Variants in TRIT1 observed in about 807,000 individuals in gnomAD.
The protein encoded by TRIT1 is tRNA dimethylallyltransferase.
In TRIT1, 43 loss-of-function variants were observed where a neutral mutation model predicts 51.2. The ratio of observed to expected loss-of-function variants is 0.84; its 90% CI spans 0.66 to 1.08. The LOEUF (loss-of-function observed/expected upper bound fraction) is 1.08, where lower values mean the gene tolerates loss of function less well. TRIT1 is among the 50% of genes least tolerant of loss of function. TRIT1 has a pLI of 0.00. For synonymous variants in TRIT1, 184 were observed against 203.9 expected (o/e 0.90, Z 0.83); for missense variants, 528 against 578.4 (o/e 0.91, Z 0.89).
intron 1 of TRIT1, among the ~76,000 whole-genome samples, chr1:39,875,144 T>C (rs1410011326): frequency 6.6e-6 from 1 of 152,098 alleles, no homozygotes; most frequent in Non-Finnish European, 1.5e-5. Context: ...TGTAACAGAA[T>C]CCTAAACTGT....
rs145388181 is a variant in TRIT1, at chr1:39,866,492, C to T, written c.175-9075G>A. On this transcript the variant is annotated intron_variant, in intron 1 of 10. Transcript: ENST00000316891. ...TCAACTGAAGAGATGTTGAAGAGTA[C>T]GGGAAAGGCTGATTTCTTGACTCAC... 9.9e-5 allele frequency among the ~76,000 whole-genome samples: 15 copies of T among 152,176 alleles called. 1 individual carries two copies. Among genetic ancestry groups the T allele is most frequent in the African/African-American group, 1.4e-4 (6 of 41,506 alleles).
At chr1:39,856,003 C>A (rs1053354438) in intron 2 of TRIT1, among the ~76,000 whole-genome samples, 2 of 151,728 alleles carry the variant, frequency 1.3e-5, no homozygotes, top group Non-Finnish European at 2.9e-5. Context: ...ATAGCAAAAT[C>A]CATCTCTACA....
At chr1:39,880,576 G>A (rs553544180) in intron 1 of TRIT1, among the ~76,000 whole-genome samples, 120 of 152,224 alleles carry the variant, frequency 7.9e-4, no homozygotes, top group South Asian at 1.7e-3. Flanking sequence ...CAAGGCGGGC[G>A]GATCATGAGG....
chr1:39,873,285 AT>A (rs1198164659), intron 1 of TRIT1, among the ~76,000 whole-genome samples: 3 of 152,242 alleles, frequency 2.0e-5, no homozygotes, highest in African/African-American at 7.2e-5. Context: ...CTATGTTGAT[AT>A]CATACTTTGA....
Position 39,841,131 on chromosome 1 carries a change from TCA to T in TRIT1, c.*611_*612del, listed in dbSNP as rs1285747943. ...ATAGAAAGACAGCAGTGATAATAAC[TCA>T]CACATGAGCAGCTCGCAAATTTCAA... On this transcript the variant is annotated 3_prime_UTR_variant, in exon 11 of 11. Coordinates refer to ENST00000316891, the MANE Select transcript of TRIT1 (RefSeq NM_017646.6). The T allele has an allele frequency of 6.6e-6, 1 of 152,198 alleles. No individual in the cohort carries two copies. The allele number at this position is 152,198 out of a possible 1,614,324, so 9.4% of individuals were successfully genotyped here. A position where few individuals can be genotyped will look rare whatever the true frequency, so the allele number is the denominator to read the frequency against.
chr1:39,850,412 G>T, intron 4 of TRIT1, 151 bp from the exon 5 acceptor site: 2 of 1,076,974 alleles, frequency 1.9e-6, no homozygotes, highest in Non-Finnish European at 2.6e-6. Context: ...TGTAGTCCCA[G>T]CTACTCAGGA....
rs141920611 is a variant in TRIT1, at chr1:39,859,367, C to G, written c.175-1950G>C. 2.9e-3 allele frequency among the ~76,000 whole-genome samples: 417 copies of G among 144,998 alleles called. 1 individual carries two copies. The highest frequency in any genetic ancestry group is 4.9e-3 in the Non-Finnish European group (325 of 66,646). On this transcript the variant is annotated intron_variant, in intron 1 of 10. Coordinates refer to ENST00000316891, the MANE Select transcript of TRIT1 (RefSeq NM_017646.6). ...TTGGGAGGCTGAGGTGGGTGGATCACTTGAGCTCATGAGTTCAAGACCAGC... is the reference window on the plus strand; with the variant it reads ...TTGGGAGGCTGAGGTGGGTGGATCAGTTGAGCTCATGAGTTCAAGACCAGC...
At chr1:39,864,098 C>G (rs904320827) in intron 1 of TRIT1, among the ~76,000 whole-genome samples, 4 of 151,984 alleles carry the variant, frequency 2.6e-5, no homozygotes, top group Non-Finnish European at 5.9e-5. Context: ...GTTGGCCAGG[C>G]TGGTCTCGAA....
At position 39,840,752 on chromosome 1, in the gene TRIT1, T is replaced by G. The variant is rs80219352; in HGVS notation, c.*992A>C. Among the ~76,000 whole-genome samples the G allele has an allele frequency of 8.0e-3, 1,214 of 152,354 alleles. 17 individuals are homozygous for G. Among genetic ancestry groups the G allele is most frequent in the African/African-American group, 0.028 (1,170 of 41,576 alleles). On this transcript the variant is annotated 3_prime_UTR_variant, in exon 11 of 11. Coordinates refer to ENST00000316891, the MANE Select transcript of TRIT1 (RefSeq NM_017646.6). The stretch of plus-strand genomic sequence containing the variant: ...GAATGTAGTTAATGCTGCTGAATTA[T>G]ACCCTAAAAATGCTATATTTGATGT...
At chr1:39,872,821 AG>A (rs1643923448) in intron 1 of TRIT1, among the ~76,000 whole-genome samples, 1 of 100,140 alleles carries the variant, frequency 1.0e-5, no homozygotes, top group African/African-American at 3.7e-5. Context: ...GAAGGGAGGG[AG>A]GGAGGGAGGG....
rs1227505728 is a variant in TRIT1 at position 39,844,543 on chromosome 1, T to C, written c.1104A>G (p.Gln368=). ...SVLEPALEIV[Q]SFIQGHKPTA... is the part of the protein sequence containing the mutation. ...GATTCATAATTACCTGGATGAAACT[T>C]TGCACGATTTCAAGAGCAGGTTCAA... Residue 368 remains glutamine, a synonymous_variant, in exon 9 of 11, where the codon CAA becomes CAG. Coordinates refer to ENST00000316891, the MANE Select transcript of TRIT1 (RefSeq NM_017646.6). 6.2e-7 allele frequency: 1 copy of C among 1,613,476 alleles called. No individual in the cohort carries two copies. The highest frequency in any genetic ancestry group is 1.1e-5 in the South Asian group (1 of 91,072).
chr1:39,865,671 CAAA>C (rs142393332), intron 1 of TRIT1, among the ~76,000 whole-genome samples: 7 of 68,320 alleles, frequency 1.0e-4, no homozygotes, highest in Admixed American at 5.2e-4. Flanking sequence ...TCTGTCTCTA[CAAA>C]AAAAAAAAAA....
At chr1:39,871,051 G>A (rs1194267192) in intron 1 of TRIT1, among the ~76,000 whole-genome samples, 4 of 152,096 alleles carry the variant, frequency 2.6e-5, no homozygotes, top group Non-Finnish European at 5.9e-5. Flanking sequence ...AAATTAGCTG[G>A]GCGTGGTCGC....
At position 39,850,233 on chromosome 1, in the gene TRIT1, T is replaced by C. The variant is rs1016215242; in HGVS notation, c.589A>G (p.Ile197Val). 3.1e-6 allele frequency: 5 copies of C among 1,614,040 alleles called. No homozygotes were observed. Among genetic ancestry groups the C allele is most frequent in the Non-Finnish European group, 4.2e-6 (5 of 1,180,032 alleles). ...CGATGGAGAAATTCACTATGAGAGA[T>C]TCCTGTTTCTTCAAAAACTTGCAAG... ...RSLQVFEETG[I>V]SHSEFLHRQH... Residue 197 changes from isoleucine (I) to valine (V), a missense_variant, in exon 5 of 11, where the codon ATC (isoleucine) becomes GTC (valine). This residue lies in a region of TRIT1 where 468 missense variants were observed against 522.6 expected (regional missense o/e 0.90). Coordinates refer to ENST00000316891, the MANE Select transcript of TRIT1 (RefSeq NM_017646.6).
intron 2 of TRIT1, among the ~76,000 whole-genome samples, chr1:39,856,737 G>C (rs1009905727): frequency 2.7e-4 from 41 of 151,958 alleles, no homozygotes; most frequent in Non-Finnish European, 5.6e-4. Context: ...ATATTTTCCA[G>C]TCCTCTCCCA....
chr1:39,847,388 G>C (rs943964014), intron 7 of TRIT1, 91 bp from the exon 8 acceptor site: 1 of 1,472,392 alleles, frequency 6.8e-7, no homozygotes, highest in African/African-American at 1.4e-5. Flanking sequence ...GAAAAAGTCA[G>C]CCACGGCAGT....
At chr1:39,844,021 T>A (rs1642072975) in intron 10 of TRIT1, 80 bp downstream of exon 10, 1 of 960,308 alleles carries the variant, frequency 1.0e-6, no homozygotes, top group Admixed American at 2.0e-5. Flanking sequence ...CCAGGTTCAA[T>A]CTGCCAAAGA....
At chr1:39,869,427 T>G (rs1037076321) in intron 1 of TRIT1, among the ~76,000 whole-genome samples, 1 of 152,056 alleles carries the variant, frequency 6.6e-6, no homozygotes, top group Non-Finnish European at 1.5e-5. Flanking sequence ...CAGGCTGGAG[T>G]GCAGTGTTGT....
chr1:39,860,708 G>A (rs1643186664), intron 1 of TRIT1, among the ~76,000 whole-genome samples: 3 of 152,294 alleles, frequency 2.0e-5, no homozygotes, highest in African/African-American at 7.2e-5. Context: ...TCGACTCTAG[G>A]TGATGGATAT....
Sources: gnomAD v4.1 joint callset for allele counts (sites outside exome capture counted in the v4.1 genomes callset) on GRCh38, gnomAD v4.1.1 for gene constraint, gnomAD v4.1.1 regional missense constraint, MANE v1.5 for transcripts, NCBI Gene and HGNC (gene_info 2026-07-23, HGNC 2026-07-21) for gene names.